The following PBX1 variants were observed in gnomAD, a reference collection of about 807,000 sequenced individuals.
PBX1 encodes the protein pre-B-cell leukemia transcription factor 1.
PBX1 carries 6 observed loss-of-function variants against 53.4 expected under a neutral mutation model. The ratio of observed to expected loss-of-function variants is 0.11; its 90% CI spans 0.06 to 0.22. PBX1 has a LOEUF of 0.22. Among genes scored for constraint, PBX1 ranks in the 10% least tolerant of loss-of-function variants. PBX1 has a pLI of 1.00. For missense variants in PBX1, 251 were observed against 551.4 expected, an observed-to-expected ratio of 0.46 and a Z score of 5.46; for synonymous variants, 204 against 212.3, an observed-to-expected ratio of 0.96 and a Z score of 0.34.
At chr1:164,564,978 A>G (rs1653328301) in intron 2 of PBX1, among the ~76,000 whole-genome samples, 1 of 152,150 alleles carries the variant, frequency 6.6e-6, no homozygotes, top group Admixed American at 6.6e-5. Context: ...ATATAAAAGC[A>G]TATGTGATAA....
chr1:164,687,211 G>A (rs1662157587), intron 2 of PBX1, among the ~76,000 whole-genome samples: 2 of 152,074 alleles, frequency 1.3e-5, no homozygotes, highest in Non-Finnish European at 2.9e-5. Context: ...GAACAAAAAG[G>A]GGTTGGCATT....
In PBX1 at chr1:164,657,612, A is replaced by T. The variant is rs146674432; in HGVS notation, c.265+94301A>T. On this transcript the variant is annotated intron_variant, in intron 2 of 8. Transcript: ENST00000420696. ...CAACTTAGTTGATAGTAAAATATGG[A>T]GCATTGGATGTAGAGTGCATTAACC... Among the ~76,000 whole-genome samples, 38 of 152,334 alleles carry T rather than the reference A, an allele frequency of 2.5e-4. No individual in the cohort carries two copies. The East Asian group carries it at 7.1e-3, about 29-fold the overall frequency.
At chr1:164,833,731 G>A (rs990270182) in intron 8 of PBX1, among the ~76,000 whole-genome samples, 2 of 152,122 alleles carry the variant, frequency 1.3e-5, no homozygotes, top group Non-Finnish European at 2.9e-5. Flanking sequence ...AGTGAGCCTA[G>A]TTGAACCTGT....
In PBX1 at chr1:164,789,188, T is replaced by G. The variant is rs532585350; in HGVS notation, c.266-3306T>G. On this transcript the variant is annotated intron_variant, in intron 2 of 8. Coordinates refer to ENST00000420696, the MANE Select transcript of PBX1 (RefSeq NM_002585.4). ...TCTTTGCCAGCCTTGACAATTTCCT[T>G]TCTTATTTTATTTAAAACCAGTTAG... Among the ~76,000 whole-genome samples, 4 of 152,314 alleles carry G rather than the reference T, an allele frequency of 2.6e-5. No individual in the cohort carries two copies. In the South Asian group the frequency reaches 8.3e-4, roughly 32 times the overall value.
At chr1:164,691,488 T>C (rs1375270210) in intron 2 of PBX1, among the ~76,000 whole-genome samples, 1 of 152,162 alleles carries the variant, frequency 6.6e-6, no homozygotes, top group Non-Finnish European at 1.5e-5. Context: ...GTTCTAAGCT[T>C]CCTTCCTCCA....
At chr1:164,808,451 G>A (rs1199853170) in intron 5 of PBX1, among the ~76,000 whole-genome samples, 4 of 152,182 alleles carry the variant, frequency 2.6e-5, no homozygotes, top group Non-Finnish European at 5.9e-5. Context: ...GAGAACCATA[G>A]TGATAATTCT....
chr1:164,749,985 A>C (rs1666108399), intron 2 of PBX1, among the ~76,000 whole-genome samples: 1 of 152,136 alleles, frequency 6.6e-6, no homozygotes, highest in Non-Finnish European at 1.5e-5. Flanking sequence ...CTATAGTCCC[A>C]GCTACTTGGG....
At position 164,847,268 on chromosome 1, in the gene PBX1, C is replaced by T; in HGVS notation, c.*592C>T. 9.4e-7 allele frequency: 1 copy of T among 1,065,892 alleles called. No homozygotes were observed. Among genetic ancestry groups the T allele is most frequent in the Non-Finnish European group, 1.1e-6 (1 of 879,694 alleles). 66.0% of individuals were successfully genotyped at this position (1,065,892 alleles called of 1,614,324 possible). A position where few individuals can be genotyped will look rare whatever the true frequency, so the allele number is the denominator to read the frequency against. On this transcript the variant is annotated 3_prime_UTR_variant, in exon 9 of 9. Transcript: ENST00000420696. ...GGGACAGTACTGATTGGAACACTTT[C>T]CTCCTCTTCCTTCCTAGCCCCAGCT...
chr1:164,640,558 G>T (rs12756136), intron 2 of PBX1, among the ~76,000 whole-genome samples: 15,894 of 40,846 alleles, frequency 0.39, 1,709 homozygotes, highest in South Asian at 0.54. Flanking sequence ...TTTTTTTTGT[G>T]TTTTTTTTTT....
chr1:164,790,540 C>T (rs1316558845), intron 2 of PBX1, among the ~76,000 whole-genome samples: 3 of 152,044 alleles, frequency 2.0e-5, no homozygotes, highest in African/African-American at 7.2e-5. Context: ...CCTCCTCCCT[C>T]CCTCCTTTCC....
At chr1:164,625,833 A>C (rs1208761606) in intron 2 of PBX1, 1 of 593,166 alleles carries the variant, frequency 1.7e-6, no homozygotes, top group African/African-American at 2.0e-5. Context: ...AAGAAAAAAA[A>C]CACCTTACAT....
At chr1:164,825,269 C>G (rs1159875261) in intron 8 of PBX1, among the ~76,000 whole-genome samples, 1 of 152,178 alleles carries the variant, frequency 6.6e-6, no homozygotes, top group African/African-American at 2.4e-5. Context: ...TCCTTCGTGT[C>G]TTTCTTCTTC....
At chr1:164,814,000 G>C (rs751731793) in intron 6 of PBX1, 1 of 152,172 alleles carries the variant, frequency 6.6e-6, no homozygotes, top group Non-Finnish European at 1.5e-5. Flanking sequence ...CCAATTGTGC[G>C]TAAGTTGTTG....
chr1:164,775,352 C>T (rs1422896145), intron 2 of PBX1, among the ~76,000 whole-genome samples: 5 of 152,034 alleles, frequency 3.3e-5, no homozygotes, highest in Admixed American at 1.3e-4. Flanking sequence ...TTTAGGGCTA[C>T]GTTAGGGAGG....
Position 164,851,106 on chromosome 1 carries a change from G to T in PBX1, c.*4430G>T, listed in dbSNP as rs1671815633. 4.5e-6 allele frequency: 1 copy of T among 222,486 alleles called. No homozygotes were observed. The highest frequency in any genetic ancestry group is 6.5e-5 in the East Asian group (1 of 15,348). 13.8% of individuals were successfully genotyped at this position (222,486 alleles called of 1,614,324 possible). On this transcript the variant is annotated 3_prime_UTR_variant, in exon 9 of 9. Transcript: ENST00000420696. ...AATGCTGTAGTTTTAATGCTAAGAG[G>T]TTACGTTTACTTCACAGAGTACACC...
At chr1:164,808,869 C>T (rs1669475094) in intron 5 of PBX1, among the ~76,000 whole-genome samples, 1 of 152,110 alleles carries the variant, frequency 6.6e-6, no homozygotes, top group South Asian at 2.1e-4. Context: ...CCTTTTTAAC[C>T]TGGGCCTTCC....
chr1:164,744,081 G>A (rs1001360), intron 2 of PBX1, among the ~76,000 whole-genome samples: 57,763 of 151,790 alleles, frequency 0.38, 11,878 homozygotes, highest in South Asian at 0.67. Context: ...CATTTGTCCC[G>A]CAGCACCAGG....
chr1:164,826,436 G>T (rs976359375), intron 8 of PBX1, among the ~76,000 whole-genome samples: 1 of 151,692 alleles, frequency 6.6e-6, no homozygotes, highest in South Asian at 2.1e-4. Flanking sequence ...GCAGAGTCTC[G>T]CTCTGTCACC....
At chr1:164,644,334 C>G (rs1659322288) in intron 2 of PBX1, among the ~76,000 whole-genome samples, 1 of 152,094 alleles carries the variant, frequency 6.6e-6, no homozygotes, top group African/African-American at 2.4e-5. Context: ...TCCAACTGTA[C>G]AGAAAAAAGT....
Sources: gnomAD v4.1 joint callset for allele counts (sites outside exome capture counted in the v4.1 genomes callset) on GRCh38, gnomAD v4.1.1 for gene constraint, MANE v1.5 for transcripts, NCBI Gene and HGNC (gene_info 2026-07-23, HGNC 2026-07-21) for gene names.